TGM3: variants seen among roughly 807,000 people sequenced by gnomAD.
TGM3 encodes the protein transglutaminase 3, also known as protein-glutamine gamma-glutamyltransferase E.
TGM3 carries 52 observed loss-of-function variants against 73.8 expected under a neutral mutation model. The observed-to-expected ratio is 0.70, with a 90% confidence interval of 0.56 to 0.89. TGM3 has a LOEUF of 0.89. Among genes scored for constraint, TGM3 ranks in the 40% least tolerant of loss-of-function variants. TGM3 has a pLI of 0.00. For synonymous variants in TGM3, 372 were observed against 354.9 expected (o/e 1.05, Z -0.54); for missense variants, 928 against 909.9 (o/e 1.02, Z -0.26).
At position 2,340,577 on chromosome 20, in the gene TGM3, A is replaced by G. The variant is rs1352270770; in HGVS notation, c.2078A>G (p.Glu693Gly). The G allele has an allele frequency of 1.2e-6, 2 of 1,613,994 alleles. No individual in the cohort carries two copies. The highest frequency in any genetic ancestry group is 1.7e-6 in the Non-Finnish European group (2 of 1,180,020). The change falls in exon 13 of 13, where the codon GAA (glutamate) becomes GGA (glycine). Residue 693 changes from glutamate to glycine, a missense_variant. Physicochemically the swap from Glu to Gly is moderately conservative, Grantham distance 98. Transcript: ENST00000381458. ...GCCATGTTGTCCATCGATGTAGCCG[A>G]ATGAAGGGCGCTGGTGGCCTCCCGT... Reference protein sequence around the residue: ...IKAMLSIDVAE With the variant: ...IKAMLSIDVAG
In TGM3 at chr20:2,340,735, C is replaced by T. The variant is rs1327155439; in HGVS notation, c.*154C>T. 1.0e-6 allele frequency: 1 copy of T among 971,150 alleles called. No homozygotes were observed. The highest frequency in any genetic ancestry group is 1.6e-6 in the Non-Finnish European group (1 of 633,668). 60.2% of individuals were successfully genotyped at this position (971,150 alleles called of 1,614,324 possible). On this transcript the variant is annotated 3_prime_UTR_variant, in exon 13 of 13. Coordinates refer to ENST00000381458, the MANE Select transcript of TGM3 (RefSeq NM_003245.4). ...GACCTCCAGGCTCCAGCACATCCCC[C>T]TCTCCTCTCCCCCAGGTTGGGGCTG...
chr20:2,321,357 A>G (rs1251772014), intron 7 of TGM3, among the ~76,000 whole-genome samples: 1 of 152,232 alleles, frequency 6.6e-6, no homozygotes, highest in Non-Finnish European at 1.5e-5. Context: ...TATTTGCAAG[A>G]GTCAGAGACA....
At chr20:2,336,679 C>T (rs2084353137) in intron 11 of TGM3, among the ~76,000 whole-genome samples, 1 of 151,484 alleles carries the variant, frequency 6.6e-6, no homozygotes, top group African/African-American at 2.4e-5. Flanking sequence ...GGAGTTGGTC[C>T]CCTACCTTAG....
rs1193010817 is a variant in TGM3, at chr20:2,335,261, C to T, written c.1788C>T (p.Thr596=). Residue 596 remains threonine, a synonymous_variant, in exon 11 of 13, where the codon ACC becomes ACT. Coordinates refer to ENST00000381458, the MANE Select transcript of TGM3 (RefSeq NM_003245.4). ...VERDIILDNP[T]LTLEVLNEAR... is the part of the protein sequence containing the mutation. The stretch of plus-strand genomic sequence containing the variant: ...GGGACATCATCCTGGACAACCCCAC[C>T]TTGACCCTGGAGGTAATGGGGCTCC... The T allele has an allele frequency of 1.2e-6, 2 of 1,614,072 alleles. No homozygotes were observed. The highest frequency in any genetic ancestry group is 1.7e-6 in the Non-Finnish European group (2 of 1,180,000).
chr20:2,328,240 A>G lies in TGM3; in HGVS notation c.1208A>G (p.Asp403Gly). The change falls in exon 9 of 13, where the codon GAC becomes GGC. Residue 403 changes from aspartate to glycine, a missense_variant. Physicochemically the swap from Asp to Gly is moderately conservative, Grantham distance 94 (BLOSUM62 -1). Coordinates refer to ENST00000381458, the MANE Select transcript of TGM3 (RefSeq NM_003245.4). This position sits in a 1 kb window ranked among gnomAD's most constrained non-coding sequence, Gnocchi z 5.2. Reference sequence around the variant, plus strand: ...GCCGACCGCATCACCTGGCTGTACGACAACACCACTGGCAAACAGTGGAAG... The same window carrying G: ...GCCGACCGCATCACCTGGCTGTACGGCAACACCACTGGCAAACAGTGGAAG... ...VNADRITWLY[D>G]NTTGKQWKNS... 2 of 1,614,200 alleles carry G rather than the reference A, an allele frequency of 1.2e-6. No individual in the cohort carries two copies. Among genetic ancestry groups the G allele is most frequent in the East Asian group, 2.2e-5 (1 of 44,882 alleles).
In TGM3 at chr20:2,332,091, G is replaced by A. The variant is rs945311824; in HGVS notation, c.1423G>A (p.Glu475Lys). The A allele has an allele frequency of 1.2e-6, 2 of 1,614,212 alleles. No individual in the cohort carries two copies. Among genetic ancestry groups the A allele is most frequent in the Non-Finnish European group, 8.5e-7 (1 of 1,180,036 alleles). Residue 475 changes from glutamate to lysine, a missense_variant, in exon 10 of 13, where the codon GAA (glutamate) becomes AAA (lysine). Glu to Lys is a moderately conservative substitution (Grantham distance 56). Coordinates refer to ENST00000381458, the MANE Select transcript of TGM3 (RefSeq NM_003245.4). The surrounding 1 kb of genome is among the most constrained non-coding windows in gnomAD (Gnocchi z 4.4). Reference protein sequence around the residue: ...PFAATSSMGLETEEQEPSIIG... With the variant: ...PFAATSSMGLKTEEQEPSIIG... Reference sequence around the variant, plus strand: ...TGCCGCGACGTCTTCAATGGGTTTGGAAACAGAGGAACAGGAGCCCAGCAT... The same window carrying A: ...TGCCGCGACGTCTTCAATGGGTTTGAAAACAGAGGAACAGGAGCCCAGCAT...
intron 3 of TGM3, among the ~76,000 whole-genome samples, 158 bp from the exon 4 acceptor site, chr20:2,310,853 T>C (rs546726041): frequency 2.6e-5 from 4 of 152,272 alleles, no homozygotes; most frequent in African/African-American, 9.6e-5. Context: ...GTTCCCACAA[T>C]TGGAGTTGGA....
chr20:2,340,034 G>GGGGGGGGGGGGGGGGGGGGC, intron 12 of TGM3, 47 bp downstream of exon 12: 1 of 1,436,688 alleles, frequency 7.0e-7, no homozygotes, highest in Non-Finnish European at 9.5e-7. Context: ...GGGAGGGGGC[G>GGGGGGGGGGGGGGGGGGGGC]GGGGGGCCCT....
intron 4 of TGM3, 54 bp from the exon 5 acceptor site, chr20:2,312,844 G>T: frequency 6.2e-7 from 1 of 1,607,590 alleles, no homozygotes; most frequent in Admixed American, 1.7e-5. Context: ...CCCTTCTTGA[G>T]CCAACTCTCC....
intron 1 of TGM3, among the ~76,000 whole-genome samples, chr20:2,302,395 G>A (rs546726566): frequency 2.0e-5 from 3 of 152,240 alleles, no homozygotes; most frequent in African/African-American, 7.2e-5. Flanking sequence ...ACATATTTGT[G>A]ATTATGTTTG....
chr20:2,322,721 T>C lies in TGM3; in HGVS notation c.984-3128T>C, dbSNP rs1043442828. Among the ~76,000 whole-genome samples, 9 of 152,228 alleles carry C rather than the reference T, an allele frequency of 5.9e-5. No individual in the cohort carries two copies. In the South Asian group the frequency reaches 6.2e-4, roughly 11 times the overall value. On this transcript the variant is annotated intron_variant, in intron 7 of 12. Coordinates refer to ENST00000381458, the MANE Select transcript of TGM3 (RefSeq NM_003245.4). ...TTGAATGGGGAATAATAATCATTTC[T>C]GTCTTTTAGGGTGTTGTAAGGATTA...
At chr20:2,298,642 C>A (rs1235451289) in intron 1 of TGM3, among the ~76,000 whole-genome samples, 1 of 152,220 alleles carries the variant, frequency 6.6e-6, no homozygotes, top group Non-Finnish European at 1.5e-5. Context: ...TCTGGGTCTA[C>A]CACCAAACCG....
intron 7 of TGM3, 58 bp downstream of exon 7, chr20:2,317,543 C>T: frequency 6.2e-7 from 1 of 1,603,658 alleles, no homozygotes; most frequent in South Asian, 1.1e-5. Context: ...GCTTCTCGCT[C>T]TCACCATCCT....
At chr20:2,313,822 A>T (rs2084219776) in intron 5 of TGM3, among the ~76,000 whole-genome samples, 1 of 152,080 alleles carries the variant, frequency 6.6e-6, no homozygotes, top group Admixed American at 6.5e-5. Flanking sequence ...TGAGCCCAGG[A>T]GTTTGCCACC....
chr20:2,311,226 A>C, intron 4 of TGM3, 97 bp downstream of exon 4: 1 of 976,770 alleles, frequency 1.0e-6, no homozygotes, highest in Non-Finnish European at 1.6e-6. Context: ...ACATCTGTCC[A>C]TCTGCCTGCC....
chr20:2,310,915 C>A (rs2122219718), intron 3 of TGM3, 96 bp from the exon 4 acceptor site: 2 of 1,089,940 alleles, frequency 1.8e-6, no homozygotes, highest in East Asian at 2.4e-5. Flanking sequence ...CTTGCTCCAA[C>A]CCCCAGGCCG....
At chr20:2,298,029 A>ATGAATGGCACT (rs113032274) in intron 1 of TGM3, among the ~76,000 whole-genome samples, 111,901 of 151,390 alleles carry the variant, frequency 0.74, 43,240 homozygotes, top group East Asian at 0.93. Context: ...ACTCTGAAAA[A>ATGAATGGCACT]TGGTCACAGA....
rs756605383 is a variant in TGM3 at position 2,312,993 on chromosome 20, C to A, written c.636C>A (p.Asp212Glu). Residue 212 changes from aspartate (D) to glutamate (E), a missense_variant, in exon 5 of 13, where the codon GAC (aspartate) becomes GAA (glutamate). Transcript: ENST00000381458. The part of the protein sequence containing the change: ...DAATDVASRN[D>E]PKYVGRVLSA... ...CTACTGATGTGGCCAGCAGAAATGA[C>A]CCCAAATACGTTGGCCGGGTGCTGA... The A allele has an allele frequency of 6.2e-7, 1 of 1,614,076 alleles. No individual in the cohort carries two copies.
chr20:2,309,561 C>A, intron 1 of TGM3, 96 bp from the exon 2 acceptor site: 3 of 1,316,934 alleles, frequency 2.3e-6, no homozygotes, highest in Non-Finnish European at 2.1e-6. Flanking sequence ...CCTTGACAAG[C>A]CTCACCCCAA....
Sources: allele counts gnomAD v4.1 joint callset (sites outside exome capture counted in the v4.1 genomes callset), GRCh38; gene constraint gnomAD v4.1.1; non-coding constraint Gnocchi (gnomAD v3.1); transcripts MANE v1.5; gene names NCBI Gene and HGNC (gene_info 2026-07-23, HGNC 2026-07-21).